Variants in ADARB2 observed in about 807,000 individuals in gnomAD.
ADARB2 encodes the protein inactive double-stranded RNA-specific editase B2.
In ADARB2, 25 loss-of-function variants were observed where a neutral mutation model predicts 62.2. The ratio of observed to expected loss-of-function variants is 0.40; its 90% CI spans 0.29 to 0.56. ADARB2 has a LOEUF of 0.56. Ranked by LOEUF, ADARB2 falls within the 20% of genes least tolerant of loss-of-function variation. The probability of loss-of-function intolerance (pLI) is 0.43; values close to 1 mark genes in which losing one functional copy is unlikely to be tolerated. For synonymous variants in ADARB2, 572 were observed against 500.8 expected (o/e 1.14, Z -1.90); for missense variants, 1,071 against 1,077.4 (o/e 0.99, Z 0.08).
chr10:1,558,363 C>A (rs1832736351), intron 1 of ADARB2, among the ~76,000 whole-genome samples: 1 of 141,984 alleles, frequency 7.0e-6, no homozygotes, highest in Non-Finnish European at 1.5e-5. Context: ...TGTGGGTGCT[C>A]AGCCCCCGCA....
intron 1 of ADARB2, among the ~76,000 whole-genome samples, chr10:1,396,097 C>A (rs1347997234): frequency 6.6e-6 from 1 of 152,210 alleles, no homozygotes; most frequent in Admixed American, 6.5e-5. Flanking sequence ...GAGCAATGAT[C>A]GCGTAAGTAA....
chr10:1,601,951 G>A (rs763717320), intron 1 of ADARB2, among the ~76,000 whole-genome samples: 10 of 152,310 alleles, frequency 6.6e-5, no homozygotes, highest in East Asian at 3.9e-4. Flanking sequence ...ATTCATGGAC[G>A]TTCTTAGTAG....
At chr10:1,661,050 C>T (rs962586346) in intron 1 of ADARB2, among the ~76,000 whole-genome samples, 1 of 152,156 alleles carries the variant, frequency 6.6e-6, no homozygotes, top group African/African-American at 2.4e-5. Flanking sequence ...CTTTCCCTCA[C>T]ACAGAAACAT....
In ADARB2 at chr10:1,423,118, C is replaced by T. The variant is rs190970793; in HGVS notation, c.101-43958G>A. Among the ~76,000 whole-genome samples the T allele has an allele frequency of 9.9e-4, 150 of 152,204 alleles. 1 individual carries two copies. The highest frequency in any genetic ancestry group is 3.4e-3 in the African/African-American group (141 of 41,508). ...CAGCAGTCTCTCTGCTCCGAGTCCCCGAGTCTCCACAGGTGGCCATGGCCA... is the reference window on the plus strand; with the variant it reads ...CAGCAGTCTCTCTGCTCCGAGTCCCTGAGTCTCCACAGGTGGCCATGGCCA... On this transcript the variant is annotated intron_variant, in intron 1 of 9. Coordinates refer to ENST00000381312, the MANE Select transcript of ADARB2 (RefSeq NM_018702.4).
intron 1 of ADARB2, among the ~76,000 whole-genome samples, chr10:1,715,248 G>A (rs1244375412): frequency 1.3e-5 from 2 of 151,916 alleles, no homozygotes; most frequent in Non-Finnish European, 2.9e-5. Context: ...ATGCTCAGTT[G>A]CAATAGTCTT....
chr10:1,604,347 G>A (rs559930502), intron 1 of ADARB2, among the ~76,000 whole-genome samples: 1 of 152,216 alleles, frequency 6.6e-6, no homozygotes, highest in East Asian at 1.9e-4. Context: ...ATGTCGACCC[G>A]ACGTTGACTG....
At chr10:1,368,817 C>A (rs12762472) in intron 2 of ADARB2, among the ~76,000 whole-genome samples, 7 of 143,184 alleles carry the variant, frequency 4.9e-5, no homozygotes, top group Non-Finnish European at 9.3e-5. Context: ...CACTATGACC[C>A]TGTGACAGTC....
chr10:1,226,868 A>T (rs1474535499), intron 6 of ADARB2, among the ~76,000 whole-genome samples: 1 of 86,734 alleles, frequency 1.2e-5, no homozygotes, highest in Admixed American at 1.0e-4. Context: ...AGGTGGAGGC[A>T]GTCCACCCGA....
chr10:1,602,824 T>C (rs12767033), intron 1 of ADARB2, among the ~76,000 whole-genome samples: 3 of 150,712 alleles, frequency 2.0e-5, no homozygotes. Flanking sequence ...TCCACACACA[T>C]ATGCACATCT....
chr10:1,602,399 G>A (rs117227759), intron 1 of ADARB2, among the ~76,000 whole-genome samples: 3,404 of 152,298 alleles, frequency 0.022, 46 homozygotes, highest in Non-Finnish European at 0.037. Context: ...CACGCTGAGG[G>A]AAGAATGGCT....
intron 4 of ADARB2, among the ~76,000 whole-genome samples, chr10:1,265,789 A>G (rs1175964904): frequency 1.4e-5 from 2 of 144,582 alleles, no homozygotes; most frequent in East Asian, 4.3e-4. Flanking sequence ...AGCCAGGTCC[A>G]CGCTCCCCCG....
chr10:1,231,442 G>A (rs1331252384), intron 6 of ADARB2, among the ~76,000 whole-genome samples: 1 of 152,168 alleles, frequency 6.6e-6, no homozygotes, highest in South Asian at 2.1e-4. Context: ...TGAAAATGAA[G>A]CCACTCCTGG....
chr10:1,349,286 T>G (rs1832111571), intron 3 of ADARB2, among the ~76,000 whole-genome samples: 1 of 152,050 alleles, frequency 6.6e-6, no homozygotes, highest in Admixed American at 6.6e-5. Context: ...ACCCAAATCT[T>G]ATAAAACAGC....
At chr10:1,719,855 C>A (rs985960862) in intron 1 of ADARB2, among the ~76,000 whole-genome samples, 4 of 152,236 alleles carry the variant, frequency 2.6e-5, no homozygotes, top group African/African-American at 9.6e-5. Flanking sequence ...CCATCTCATA[C>A]CAGTCAGAAT....
chr10:1,568,605 AG>A (rs1832889417), intron 1 of ADARB2, among the ~76,000 whole-genome samples: 1 of 151,712 alleles, frequency 6.6e-6, no homozygotes, highest in African/African-American at 2.4e-5. Context: ...GAAAGGAGGG[AG>A]GGAGGGAGGA....
chr10:1,401,471 C>A (rs1375185206), intron 1 of ADARB2, among the ~76,000 whole-genome samples: 1 of 152,198 alleles, frequency 6.6e-6, no homozygotes, highest in Non-Finnish European at 1.5e-5. Flanking sequence ...AGGGCAGGTG[C>A]CAGCGCTGTT....
At position 1,589,986 on chromosome 10, in the gene ADARB2, G is replaced by C. The variant is rs372414117; in HGVS notation, c.100+147065C>G. Reference sequence around the variant, plus strand: ...TCTGGCTTCAGCAGGTGCTCCTCTGGGAGCCAGGCTGTGAGCTGTGGGCTG... The same window carrying C: ...TCTGGCTTCAGCAGGTGCTCCTCTGCGAGCCAGGCTGTGAGCTGTGGGCTG... On this transcript the variant is annotated intron_variant, in intron 1 of 9. Transcript: ENST00000381312. 1.5e-4 allele frequency among the ~76,000 whole-genome samples: 23 copies of C among 152,348 alleles called. No individual in the cohort carries two copies. In the East Asian group the frequency reaches 4.4e-3, roughly 29 times the overall value.
rs1834423986 is a variant in ADARB2 at position 1,673,741 on chromosome 10, CCT to C, written c.100+63308_100+63309del. On this transcript the variant is annotated intron_variant, in intron 1 of 9. Coordinates refer to ENST00000381312, the MANE Select transcript of ADARB2 (RefSeq NM_018702.4). ...CAGGGCTCAGGACGGGGAACAGGAG[CCT>C]TCAGGGCTGAGGCCGTGCAGCCACT... Among the ~76,000 whole-genome samples the C allele has an allele frequency of 5.3e-5, 8 of 152,280 alleles. No individual in the cohort carries two copies. In the South Asian group the frequency reaches 1.7e-3, roughly 32 times the overall value.
rs1445658486 is a variant in ADARB2 at position 1,408,975 on chromosome 10, G to A, written c.101-29815C>T. Among the ~76,000 whole-genome samples the A allele has an allele frequency of 3.3e-5, 5 of 152,312 alleles. No homozygotes were observed. In the East Asian group the frequency reaches 7.7e-4, roughly 24 times the overall value. On this transcript the variant is annotated intron_variant, in intron 1 of 9. Transcript: ENST00000381312. ...GTGTTCCAGAGCTGCTGGCTCCGTG[G>A]TGGTGGCGTCAGTGATTGCAGAGGA...
Sources: allele counts gnomAD v4.1 joint callset (sites outside exome capture counted in the v4.1 genomes callset), GRCh38; gene constraint gnomAD v4.1.1; transcripts MANE v1.5; gene names NCBI Gene and HGNC (gene_info 2026-07-23, HGNC 2026-07-21).